PXDNL: variants seen among roughly 807,000 people sequenced by gnomAD.
PXDNL encodes probable oxidoreductase PXDNL.
PXDNL carries 145 observed loss-of-function variants against 150.8 expected under a neutral mutation model. That is an observed-to-expected ratio of 0.96 (90% CI 0.84 to 1.10). The LOEUF is 1.10. Among genes scored for constraint, PXDNL ranks in the 50% least tolerant of loss-of-function variants. PXDNL has a pLI of 0.00. For missense variants in PXDNL, 2,087 were observed against 1,873.9 expected (o/e 1.11, Z -2.10); for synonymous variants, 757 against 725.7 (o/e 1.04, Z -0.69).
intron 4 of PXDNL, among the ~76,000 whole-genome samples, chr8:51,546,071 C>T (rs756399260): frequency 6.6e-6 from 1 of 152,160 alleles, no homozygotes. Flanking sequence ...TGAACTCTTG[C>T]TTCAATAACC....
intron 1 of PXDNL, among the ~76,000 whole-genome samples, chr8:51,744,336 AAGAG>A (rs1224615833): frequency 6.7e-6 from 1 of 149,852 alleles, no homozygotes; most frequent in Non-Finnish European, 1.5e-5. Flanking sequence ...AAAGGAAGGA[AAGAG>A]AGAAAGAGAG....
At chr8:51,699,851 C>T (rs1364025936) in intron 1 of PXDNL, among the ~76,000 whole-genome samples, 1 of 152,128 alleles carries the variant, frequency 6.6e-6, no homozygotes, top group East Asian at 1.9e-4. Context: ...GTAGTAAGAA[C>T]ACACAGGACA....
At chr8:51,768,274 T>TTTTCGC (rs1184283508) in intron 1 of PXDNL, among the ~76,000 whole-genome samples, 1 of 150,702 alleles carries the variant, frequency 6.6e-6, no homozygotes, top group Non-Finnish European at 1.5e-5. Flanking sequence ...TTTTTTTTTG[T>TTTTCGC]TTTTGCTTTT....
intron 21 of PXDNL, among the ~76,000 whole-genome samples, chr8:51,335,327 C>T (rs1805802050): frequency 6.6e-6 from 1 of 152,136 alleles, no homozygotes; most frequent in African/African-American, 2.4e-5. Flanking sequence ...GGGTTAGAGT[C>T]TACCAATGAG....
intron 17 of PXDNL, among the ~76,000 whole-genome samples, chr8:51,406,964 G>A (rs1191027876): frequency 1.3e-5 from 2 of 152,240 alleles, no homozygotes; most frequent in Non-Finnish European, 2.9e-5. Context: ...TGTGATGCAG[G>A]AGGAATGGGG....
At chr8:51,757,253 T>G (rs2037112038) in intron 1 of PXDNL, among the ~76,000 whole-genome samples, 1 of 152,182 alleles carries the variant, frequency 6.6e-6, no homozygotes, top group African/African-American at 2.4e-5. Context: ...TTGTTTTCCA[T>G]CCAGTGAAAA....
At chr8:51,790,255 A>G (rs1348548702) in intron 1 of PXDNL, among the ~76,000 whole-genome samples, 2 of 152,078 alleles carry the variant, frequency 1.3e-5, no homozygotes, top group Admixed American at 1.3e-4. Flanking sequence ...ATGAAATGAA[A>G]TATCATTCAA....
At chr8:51,394,163 A>G (rs1313128581) in intron 17 of PXDNL, among the ~76,000 whole-genome samples, 2 of 152,224 alleles carry the variant, frequency 1.3e-5, no homozygotes, top group African/African-American at 4.8e-5. Flanking sequence ...ACTATTCTAT[A>G]TATGTTGGAG....
chr8:51,509,558 G>A lies in PXDNL; in HGVS notation c.381-9788C>T, dbSNP rs62506942. On this transcript the variant is annotated intron_variant, in intron 4 of 22. Coordinates refer to ENST00000356297, the MANE Select transcript of PXDNL (RefSeq NM_144651.5). ...TAGCAGCGGCTGCCTTTCTGCCTGCGCTGTGCCTCCCTGGCATGCATGTGT... is the reference window on the plus strand; with the variant it reads ...TAGCAGCGGCTGCCTTTCTGCCTGCACTGTGCCTCCCTGGCATGCATGTGT... Among the ~76,000 whole-genome samples the A allele has an allele frequency of 1.9e-3, 294 of 151,894 alleles. 3 individuals carry two copies. Among genetic ancestry groups the A allele is most frequent in the Non-Finnish European group, 2.2e-3 (152 of 67,972 alleles).
chr8:51,685,013 G>A (rs1815841870), intron 1 of PXDNL, among the ~76,000 whole-genome samples: 1 of 152,154 alleles, frequency 6.6e-6, no homozygotes. Flanking sequence ...CTGGCAAACT[G>A]GGAACTAATA....
At chr8:51,593,712 TC>T (rs1181999183) in intron 2 of PXDNL, among the ~76,000 whole-genome samples, 5 of 152,092 alleles carry the variant, frequency 3.3e-5, no homozygotes, top group Admixed American at 3.3e-4. Flanking sequence ...ACTGTTAAAT[TC>T]CCCAAACAGC....
chr8:51,769,568 ATGCCCTTTTTT>A lies in PXDNL; in HGVS notation c.164+39602_164+39612del, dbSNP rs551933456. ...GTTTCTGATTTGTCATTCTTCAATG[ATGCCCTTTTTT>A]CCTGTGATACATGTTTTGACATGTA... On this transcript the variant is annotated intron_variant, in intron 1 of 22. Coordinates refer to ENST00000356297, the MANE Select transcript of PXDNL (RefSeq NM_144651.5). Among the ~76,000 whole-genome samples, 445 of 152,316 alleles carry A rather than the reference ATGCCCTTTTTT, an allele frequency of 2.9e-3. 1 individual carries two copies. Among genetic ancestry groups the A allele is most frequent in the African/African-American group, 0.01 (417 of 41,574 alleles).
At chr8:51,600,327 CTT>C (rs1813673863) in intron 2 of PXDNL, among the ~76,000 whole-genome samples, 3 of 121,760 alleles carry the variant, frequency 2.5e-5, no homozygotes, top group South Asian at 2.6e-4. Context: ...TAAATTATAT[CTT>C]ATATAAATTA....
intron 3 of PXDNL, among the ~76,000 whole-genome samples, chr8:51,557,978 T>C (rs1342733552): frequency 6.6e-6 from 1 of 152,168 alleles, no homozygotes; most frequent in Non-Finnish European, 1.5e-5. Flanking sequence ...TTCCTCAGCA[T>C]TAATTGATAC....
intron 2 of PXDNL, among the ~76,000 whole-genome samples, chr8:51,618,921 A>C (rs1338795324): frequency 1.3e-5 from 2 of 152,240 alleles, no homozygotes; most frequent in Admixed American, 1.3e-4. Flanking sequence ...TCTTTTACGC[A>C]GGCAGATGCT....
chr8:51,462,304 T>C (rs552014269), intron 8 of PXDNL, among the ~76,000 whole-genome samples: 4 of 152,262 alleles, frequency 2.6e-5, no homozygotes, highest in South Asian at 2.1e-4. Context: ...CCTAACCAGA[T>C]TGAAATGGCT....
chr8:51,338,290 C>A (rs1805890333), intron 21 of PXDNL, among the ~76,000 whole-genome samples: 1 of 152,118 alleles, frequency 6.6e-6, no homozygotes, highest in South Asian at 2.1e-4. Flanking sequence ...CAGCTGCAGG[C>A]AGCTTAGCTT....
At chr8:51,727,768 T>C (rs1037983768) in intron 1 of PXDNL, among the ~76,000 whole-genome samples, 1 of 152,194 alleles carries the variant, frequency 6.6e-6, no homozygotes, top group African/African-American at 2.4e-5. Flanking sequence ...CAAACACCTA[T>C]GGTAGGCAAT....
intron 1 of PXDNL, among the ~76,000 whole-genome samples, chr8:51,768,743 T>C (rs2037258496): frequency 6.6e-6 from 1 of 152,164 alleles, no homozygotes. Context: ...CACAGAAGTG[T>C]GGTATGTCCA....
Sources: gnomAD v4.1 joint callset for allele counts (sites outside exome capture counted in the v4.1 genomes callset) on GRCh38, gnomAD v4.1.1 for gene constraint, MANE v1.5 for transcripts, NCBI Gene and HGNC (gene_info 2026-07-23, HGNC 2026-07-21) for gene names.